SEMA3E: variants seen among roughly 807,000 people sequenced by gnomAD.
SEMA3E encodes semaphorin-3E.
Under a neutral mutation model 93.6 loss-of-function variants are expected in SEMA3E, and 49 were observed. The ratio of observed to expected loss-of-function variants is 0.52; its 90% CI spans 0.42 to 0.66. The LOEUF (loss-of-function observed/expected upper bound fraction) is 0.66. SEMA3E is among the 30% of genes least tolerant of loss of function. The pLI, the probability that SEMA3E is intolerant of heterozygous loss-of-function variation, is 0.00. For synonymous variants in SEMA3E, 363 were observed against 330.7 expected (o/e 1.10, Z -1.06); for missense variants, 906 against 964.8 (o/e 0.94, Z 0.81).
chr7:83,639,739 A>G (rs1322398302), intron 1 of SEMA3E, among the ~76,000 whole-genome samples: 1 of 150,776 alleles, frequency 6.6e-6, no homozygotes, highest in African/African-American at 2.4e-5. Flanking sequence ...AGGAAGCCTC[A>G]GTTCGATGAT....
At position 83,476,650 on chromosome 7, in the gene SEMA3E, TA is replaced by T. The variant is rs367550585; in HGVS notation, c.277-7349del. ...CTCACTGGAAATGGAAAGTTATTTTTAAAGCCATCACGTAAAAATGTTCTGC... is the reference window on the plus strand; with the variant it reads ...CTCACTGGAAATGGAAAGTTATTTTTAAGCCATCACGTAAAAATGTTCTGC... On this transcript the variant is annotated intron_variant, in intron 2 of 16. Transcript: ENST00000643230. Among the ~76,000 whole-genome samples the T allele has an allele frequency of 2.7e-3, 418 of 152,328 alleles. 3 individuals carry two copies. The highest frequency in any genetic ancestry group is 9.3e-3 in the African/African-American group (388 of 41,568).
chr7:83,505,164 AC>A (rs1486793149), intron 1 of SEMA3E, among the ~76,000 whole-genome samples: 1 of 152,146 alleles, frequency 6.6e-6, no homozygotes, highest in African/African-American at 2.4e-5. Context: ...GTCATAGATA[AC>A]CTTTGGGGGT....
intron 15 of SEMA3E, among the ~76,000 whole-genome samples, chr7:83,385,921 T>C (rs1787870636): frequency 6.6e-6 from 1 of 152,162 alleles, no homozygotes; most frequent in Non-Finnish European, 1.5e-5. Context: ...AATATGAGAC[T>C]GAACCAGGGA....
At chr7:83,486,256 G>A (rs1790252183) in intron 2 of SEMA3E, among the ~76,000 whole-genome samples, 1 of 152,088 alleles carries the variant, frequency 6.6e-6, no homozygotes. Flanking sequence ...TGATTATCAT[G>A]ACTGTGGAGA....
At chr7:83,637,229 T>TA (rs1459686380) in intron 1 of SEMA3E, among the ~76,000 whole-genome samples, 1 of 152,140 alleles carries the variant, frequency 6.6e-6, no homozygotes, top group Non-Finnish European at 1.5e-5. Flanking sequence ...TTAAAATTCA[T>TA]ACTTTATTTA....
intron 1 of SEMA3E, among the ~76,000 whole-genome samples, chr7:83,581,094 G>C (rs1319450481): frequency 6.6e-6 from 1 of 151,848 alleles, no homozygotes; most frequent in Non-Finnish European, 1.5e-5. Context: ...AGTAACATCA[G>C]AACACAAAAG....
intron 1 of SEMA3E, among the ~76,000 whole-genome samples, chr7:83,583,304 A>C (rs1005379706): frequency 1.6e-4 from 25 of 152,160 alleles, no homozygotes; most frequent in African/African-American, 5.5e-4. Context: ...GTAATGATCA[A>C]ATTAGGATAA....
intron 1 of SEMA3E, among the ~76,000 whole-genome samples, chr7:83,609,583 C>T (rs1793205621): frequency 6.6e-6 from 1 of 151,896 alleles, no homozygotes; most frequent in Non-Finnish European, 1.5e-5. Context: ...CCCTATTAAT[C>T]AATACCACTC....
intron 4 of SEMA3E, among the ~76,000 whole-genome samples, chr7:83,459,000 G>GA (rs1199290047): frequency 2.8e-5 from 4 of 143,672 alleles, no homozygotes; most frequent in Admixed American, 1.4e-4. Flanking sequence ...CACACTGAAG[G>GA]AAAGGAGTGG....
At chr7:83,526,936 T>C (rs973041860) in intron 1 of SEMA3E, among the ~76,000 whole-genome samples, 1 of 152,096 alleles carries the variant, frequency 6.6e-6, no homozygotes, top group South Asian at 2.1e-4. Flanking sequence ...GACCTCATAA[T>C]GATATGTTCA....
At chr7:83,390,551 A>T (rs377548779) in intron 14 of SEMA3E, among the ~76,000 whole-genome samples, 1 of 152,164 alleles carries the variant, frequency 6.6e-6, no homozygotes, top group African/African-American at 2.4e-5. Context: ...TTTGAGCAGA[A>T]AAGTATTTAT....
At chr7:83,440,967 T>C (rs1045530299) in intron 4 of SEMA3E, among the ~76,000 whole-genome samples, 10 of 152,196 alleles carry the variant, frequency 6.6e-5, no homozygotes, top group South Asian at 4.1e-4. Flanking sequence ...CTATCTGAGA[T>C]ATACCATTTG....
intron 1 of SEMA3E, among the ~76,000 whole-genome samples, chr7:83,512,891 A>G (rs1358391057): frequency 6.6e-6 from 1 of 152,190 alleles, no homozygotes; most frequent in Non-Finnish European, 1.5e-5. Context: ...CTTTTCCACC[A>G]TTAATGGAAA....
intron 1 of SEMA3E, among the ~76,000 whole-genome samples, chr7:83,574,929 A>G (rs1792368499): frequency 6.6e-6 from 1 of 152,202 alleles, no homozygotes; most frequent in Admixed American, 6.5e-5. Context: ...GGTGTTTTCA[A>G]TCACTAAGTT....
At chr7:83,518,034 C>T (rs965329738) in intron 1 of SEMA3E, among the ~76,000 whole-genome samples, 3 of 152,094 alleles carry the variant, frequency 2.0e-5, no homozygotes, top group Non-Finnish European at 4.4e-5. Flanking sequence ...GACAGGTAAA[C>T]ATGTCTGTGT....
chr7:83,610,591 G>A (rs1793231682), intron 1 of SEMA3E, among the ~76,000 whole-genome samples: 1 of 151,828 alleles, frequency 6.6e-6, no homozygotes, highest in Non-Finnish European at 1.5e-5. Flanking sequence ...ACCTTGTTAG[G>A]GGCTAATGTA....
At chr7:83,419,643 C>A (rs576675969) in intron 4 of SEMA3E, among the ~76,000 whole-genome samples, 1 of 152,020 alleles carries the variant, frequency 6.6e-6, no homozygotes, top group South Asian at 2.1e-4. Flanking sequence ...TGAGATGATA[C>A]CTCATTGTGG....
intron 1 of SEMA3E, among the ~76,000 whole-genome samples, chr7:83,567,897 A>T (rs1482398444): frequency 6.6e-6 from 1 of 152,022 alleles, no homozygotes; most frequent in African/African-American, 2.4e-5. Flanking sequence ...AAGAAATAAT[A>T]AAGATCAGAG....
chr7:83,495,189 T>C (rs1385032214), intron 1 of SEMA3E, among the ~76,000 whole-genome samples: 1 of 152,054 alleles, frequency 6.6e-6, no homozygotes, highest in East Asian at 1.9e-4. Context: ...TAGATGTTCA[T>C]TCATATATAG....
Sources: allele counts gnomAD v4.1 joint callset (sites outside exome capture counted in the v4.1 genomes callset), GRCh38; gene constraint gnomAD v4.1.1; transcripts MANE v1.5; gene names NCBI Gene and HGNC (gene_info 2026-07-23, HGNC 2026-07-21).